The following EPB41L5 variants were observed in gnomAD, a reference collection of about 807,000 sequenced individuals.
The protein encoded by EPB41L5 is erythrocyte membrane protein band 4.1 like 5.
In EPB41L5, 55 loss-of-function variants were observed where a neutral mutation model predicts 106.6. The ratio of observed to expected loss-of-function variants is 0.52; its 90% confidence interval spans 0.42 to 0.65. The LOEUF (loss-of-function observed/expected upper bound fraction) is 0.65. Ranked by LOEUF, EPB41L5 falls within the 30% of genes least tolerant of loss-of-function variation. The pLI, the probability that EPB41L5 is intolerant of heterozygous loss-of-function variation, is 0.00. For synonymous variants in EPB41L5, 297 were observed against 306.7 expected, an observed-to-expected ratio of 0.97 and a Z score of 0.33; for missense variants, 871 against 882.1, an observed-to-expected ratio of 0.99 and a Z score of 0.16.
intron 3 of EPB41L5, among the ~76,000 whole-genome samples, chr2:120,051,378 CTGCCACCT>C (rs1199228750): frequency 6.6e-6 from 1 of 152,208 alleles, no homozygotes; most frequent in Non-Finnish European, 1.5e-5. Flanking sequence ...CCCAGCCTCG[CTGCCACCT>C]TGCAGTTTGA....
At chr2:120,167,786 CAT>C (rs1277880290) in intron 23 of EPB41L5, 89 bp from the exon 24 acceptor site, 15 of 1,466,502 alleles carry the variant, frequency 1.0e-5, no homozygotes, top group Non-Finnish European at 1.4e-5. Context: ...TCGTTAATCT[CAT>C]AGTCATTAGT....
chr2:120,125,715 T>G (rs546913346), intron 16 of EPB41L5, among the ~76,000 whole-genome samples: 1 of 152,216 alleles, frequency 6.6e-6, no homozygotes, highest in South Asian at 2.1e-4. Context: ...TTTTTGTCTT[T>G]TCTTTTATGG....
chr2:120,122,955 GCTCT>G (rs897709929), intron 16 of EPB41L5, among the ~76,000 whole-genome samples: 9 of 152,048 alleles, frequency 5.9e-5, no homozygotes, highest in African/African-American at 2.2e-4. Context: ...TCATGATTTG[GCTCT>G]CTGTCTGTTA....
chr2:120,082,607 A>C (rs925442750), intron 10 of EPB41L5, among the ~76,000 whole-genome samples: 1 of 152,182 alleles, frequency 6.6e-6, no homozygotes, highest in Non-Finnish European at 1.5e-5. Context: ...GTATAGGATG[A>C]TGCTGGCCTC....
chr2:120,131,482 T>G (rs535178678), intron 17 of EPB41L5, 136 bp from the exon 18 acceptor site: 1 of 613,968 alleles, frequency 1.6e-6, no homozygotes, highest in African/African-American at 1.9e-5. Flanking sequence ...ATATATTTAT[T>G]TTGTGTTTAT....
intron 16 of EPB41L5, among the ~76,000 whole-genome samples, chr2:120,110,451 T>A (rs1684669952): frequency 6.6e-6 from 1 of 152,194 alleles, no homozygotes; most frequent in Non-Finnish European, 1.5e-5. Flanking sequence ...TCAGTTTATA[T>A]CATCACCCTG....
At chr2:120,096,008 T>C (rs2105381117) in intron 14 of EPB41L5, among the ~76,000 whole-genome samples, 1 of 152,274 alleles carries the variant, frequency 6.6e-6, no homozygotes, top group South Asian at 2.1e-4. Flanking sequence ...ACAATGAGGC[T>C]ATATCTGTGG....
At chr2:120,031,388 G>A (rs1180326845) in intron 2 of EPB41L5, among the ~76,000 whole-genome samples, 6 of 152,158 alleles carry the variant, frequency 3.9e-5, no homozygotes, top group African/African-American at 7.2e-5. Flanking sequence ...GCAAAGAGGA[G>A]GTGAAGTGAG....
chr2:120,042,261 G>A, intron 3 of EPB41L5, 151 bp downstream of exon 3: 1 of 521,410 alleles, frequency 1.9e-6, no homozygotes, highest in Non-Finnish European at 3.4e-6. Context: ...CCTTGCTTTA[G>A]CATCACCTGA....
intron 3 of EPB41L5, among the ~76,000 whole-genome samples, chr2:120,053,331 A>G (rs1680414781): frequency 6.6e-6 from 1 of 152,172 alleles, no homozygotes; most frequent in Non-Finnish European, 1.5e-5. Context: ...TTTTTTCTGT[A>G]AAGTAGGCCA....
At chr2:120,041,062 A>C (rs915663958) in intron 2 of EPB41L5, among the ~76,000 whole-genome samples, 1 of 152,178 alleles carries the variant, frequency 6.6e-6, no homozygotes, top group Non-Finnish European at 1.5e-5. Context: ...AAAAAATTTT[A>C]AGTATTTATT....
chr2:120,081,643 A>T (rs1191697522), intron 10 of EPB41L5, among the ~76,000 whole-genome samples: 3 of 152,286 alleles, frequency 2.0e-5, no homozygotes, highest in African/African-American at 4.8e-5. Context: ...CAATTCTGTG[A>T]AGAAAGTCAT....
At chr2:120,063,296 C>T (rs182548834) in intron 3 of EPB41L5, among the ~76,000 whole-genome samples, 11 of 149,062 alleles carry the variant, frequency 7.4e-5, no homozygotes, top group African/African-American at 2.5e-4. Context: ...GAGTTGAGAT[C>T]GCACCACTGC....
chr2:120,053,934 G>T (rs566239796), intron 3 of EPB41L5, among the ~76,000 whole-genome samples: 1 of 152,232 alleles, frequency 6.6e-6, no homozygotes, highest in South Asian at 2.1e-4. Context: ...GGTGGTGTGT[G>T]CCTGTAGTTC....
At chr2:120,046,990 T>C (rs887516619) in intron 3 of EPB41L5, among the ~76,000 whole-genome samples, 9 of 152,158 alleles carry the variant, frequency 5.9e-5, no homozygotes, top group South Asian at 2.1e-4. Context: ...GTATTATTTC[T>C]GAGGGCTCTG....
chr2:120,042,193 C>G (rs1453253587), intron 3 of EPB41L5, 83 bp downstream of exon 3: 3 of 1,028,964 alleles, frequency 2.9e-6, no homozygotes, highest in Non-Finnish European at 4.5e-6. Flanking sequence ...TATAAGGCTT[C>G]CTATTCTTGA....
chr2:120,091,546 C>G lies in EPB41L5; in HGVS notation c.1044-9C>G, dbSNP rs1486133904. ...AAAATTTCCCTTACTTCTGTTATGC[C>G]TCATTTAGTGGGAAAACAGAGTATC... On this transcript the variant is annotated splice_polypyrimidine_tract_variant and intron_variant, in intron 12 of 24. Coordinates refer to ENST00000263713, the MANE Select transcript of EPB41L5 (RefSeq NM_020909.4). 6.2e-7 allele frequency: 1 copy of G among 1,607,614 alleles called. No individual in the cohort carries two copies. Among genetic ancestry groups the G allele is most frequent in the South Asian group, 1.1e-5 (1 of 90,778 alleles).
intron 2 of EPB41L5, among the ~76,000 whole-genome samples, chr2:120,021,437 G>A (rs1677921481): frequency 6.6e-6 from 1 of 152,106 alleles, no homozygotes; most frequent in African/African-American, 2.4e-5. Flanking sequence ...AAGGTCAGGA[G>A]TTTGAGACCA....
At chr2:120,136,946 A>T (rs537692421) in intron 18 of EPB41L5, among the ~76,000 whole-genome samples, 1 of 152,180 alleles carries the variant, frequency 6.6e-6, no homozygotes, top group South Asian at 2.1e-4. Context: ...CAGCGCACAG[A>T]TTATTCTCAA....
Sources: gnomAD v4.1 joint callset for allele counts (sites outside exome capture counted in the v4.1 genomes callset) on GRCh38, gnomAD v4.1.1 for gene constraint, MANE v1.5 for transcripts, NCBI Gene and HGNC (gene_info 2026-07-23, HGNC 2026-07-21) for gene names.